The following WSCD1 variants were observed in gnomAD, a reference collection of about 807,000 sequenced individuals.
WSCD1 encodes the protein sialate:O-sulfotransferase 1.
A neutral mutation model predicts 60.4 loss-of-function variants in WSCD1; 41 were observed. That is an observed-to-expected ratio of 0.68 (90% confidence interval 0.53 to 0.88). WSCD1 has a LOEUF of 0.88. WSCD1 is among the 40% of genes least tolerant of loss of function. The probability of loss-of-function intolerance (pLI) is 0.00; values close to 1 mark genes in which losing one functional copy is unlikely to be tolerated. For missense variants in WSCD1, 784 were observed against 796.2 expected (o/e 0.98, Z 0.18); for synonymous variants, 361 against 332.5 (o/e 1.09, Z -0.93).
At chr17:6,072,975 GC>G (rs1908633804) in intron 1 of WSCD1, among the ~76,000 whole-genome samples, 1 of 152,206 alleles carries the variant, frequency 6.6e-6, no homozygotes, top group Non-Finnish European at 1.5e-5. Flanking sequence ...AGCTGTTAAG[GC>G]CCCTCCCCTT....
At chr17:6,116,304 C>A (rs536184491) in intron 7 of WSCD1, among the ~76,000 whole-genome samples, 11 of 152,310 alleles carry the variant, frequency 7.2e-5, no homozygotes, top group Admixed American at 1.3e-4. Flanking sequence ...TGGGTCGACA[C>A]TGCCTCAGAA....
intron 2 of WSCD1, among the ~76,000 whole-genome samples, chr17:6,087,681 C>T (rs1909747632): frequency 6.6e-6 from 1 of 152,236 alleles, no homozygotes; most frequent in Admixed American, 6.5e-5. Context: ...GTAATCCAGC[C>T]TTCCCAACTT....
In WSCD1 at chr17:6,080,631, C is replaced by A; in HGVS notation, c.-28C>A. 6.2e-7 allele frequency: 1 copy of A among 1,609,628 alleles called. No homozygotes were observed. The highest frequency in any genetic ancestry group is 1.1e-5 in the South Asian group (1 of 90,732). On this transcript the variant is annotated 5_prime_UTR_variant, in exon 2 of 9. Transcript: ENST00000317744. The surrounding 1 kb of genome is among the most constrained non-coding windows in gnomAD (Gnocchi z 6.6). ...GGGCGCTAGGAGCCATCCCGGGGCTCCAGCCAGGAGCCCTGCTGCCCAGGG... is the reference window on the plus strand; with the variant it reads ...GGGCGCTAGGAGCCATCCCGGGGCTACAGCCAGGAGCCCTGCTGCCCAGGG...
At chr17:6,099,886 C>G (rs904900952) in intron 5 of WSCD1, among the ~76,000 whole-genome samples, 7 of 152,150 alleles carry the variant, frequency 4.6e-5, no homozygotes, top group African/African-American at 1.4e-4. Flanking sequence ...TTCTTTCTTG[C>G]CTGTTAAACT....
At chr17:6,097,804 G>T (rs763651545) in intron 5 of WSCD1, among the ~76,000 whole-genome samples, 2 of 152,102 alleles carry the variant, frequency 1.3e-5, no homozygotes, top group African/African-American at 4.8e-5. Context: ...TTTATACCCC[G>T]ATCAGTGATG....
chr17:6,118,119 G>C lies in WSCD1; in HGVS notation c.1306G>C (p.Val436Leu). 1.2e-6 allele frequency: 2 copies of C among 1,614,200 alleles called. No homozygotes were observed. The highest frequency in any genetic ancestry group is 1.7e-6 in the Non-Finnish European group (2 of 1,180,038). The change falls in exon 8 of 9, where the codon GTG (valine) becomes CTG (leucine). Residue 436 changes from valine to leucine, a missense_variant. Physicochemically the swap from Val to Leu is conservative, Grantham distance 32. Transcript: ENST00000317744. This position sits in a 1 kb window ranked among gnomAD's most constrained non-coding sequence, Gnocchi z 5.8. ...AATCCGGAACCCATACAGGTCCCTGGTGGCAGAATTCAACAGAAAATGTGC... is the reference window on the plus strand; with the variant it reads ...AATCCGGAACCCATACAGGTCCCTGCTGGCAGAATTCAACAGAAAATGTGC... ...LLIRNPYRSLVAEFNRKCAGH... is the reference protein window; with the variant it reads ...LLIRNPYRSLLAEFNRKCAGH...
intron 2 of WSCD1, among the ~76,000 whole-genome samples, chr17:6,084,252 C>T (rs1156765577): frequency 6.6e-6 from 1 of 152,236 alleles, no homozygotes; most frequent in African/African-American, 2.4e-5. Flanking sequence ...AGAATTTGCT[C>T]TCCTTTGAAC....
At chr17:6,084,544 C>CA (rs1206624407) in intron 2 of WSCD1, among the ~76,000 whole-genome samples, 1 of 152,228 alleles carries the variant, frequency 6.6e-6, no homozygotes. Flanking sequence ...GAGGCTCCAT[C>CA]AATCACTGAG....
chr17:6,081,429 G>A (rs1396810770), intron 2 of WSCD1, among the ~76,000 whole-genome samples: 1 of 152,078 alleles, frequency 6.6e-6, no homozygotes, highest in African/African-American at 2.4e-5. Context: ...TATGAAAATA[G>A]GTTGGGCGCA....
chr17:6,069,282 G>A, upstream of WSCD1: 1 of 398,974 alleles, frequency 2.5e-6, no homozygotes, highest in South Asian at 1.3e-4. Context: ...GGGGAACAGG[G>A]TGGGGCTCCT....
rs1351770139 is a variant in WSCD1 at position 6,081,088 on chromosome 17, A to G, written c.427+3A>G. On this transcript the variant is annotated splice_donor_region_variant and intron_variant, in intron 2 of 8. Coordinates refer to ENST00000317744, the MANE Select transcript of WSCD1 (RefSeq NM_015253.2). ...CAGGCCCGCCATCCACAGCCGAGGT[A>G]GGCGCTCAGCTGCATTTGGGGGAGC... The G allele has an allele frequency of 3.3e-6, 5 of 1,534,784 alleles. No individual in the cohort carries two copies. The highest frequency in any genetic ancestry group is 4.4e-6 in the Non-Finnish European group (5 of 1,143,078).
upstream of WSCD1, chr17:6,069,426 TGTGAGAGAGAGAGA>T (rs1275172440): frequency 7.7e-6 from 2 of 260,476 alleles, no homozygotes; most frequent in Non-Finnish European, 1.3e-5. Flanking sequence ...TGTGTGTGTG[TGTGAGAGAGAGAGA>T]GAGAGAGAGA....
chr17:6,112,066 A>C (rs986053044), intron 7 of WSCD1, among the ~76,000 whole-genome samples: 1 of 152,340 alleles, frequency 6.6e-6, no homozygotes, highest in Non-Finnish European at 1.5e-5. Flanking sequence ...TATGGGATAC[A>C]GCAAAAGAAG....
chr17:6,076,591 C>G (rs1241694210), intron 1 of WSCD1, among the ~76,000 whole-genome samples: 2 of 152,196 alleles, frequency 1.3e-5, no homozygotes, highest in African/African-American at 4.8e-5. Flanking sequence ...ATGTCCACTC[C>G]CTAATTCGAT....
chr17:6,120,758 A>T lies in WSCD1; in HGVS notation c.*97A>T, dbSNP rs1035990785. 1 of 1,328,164 alleles carries T rather than the reference A, an allele frequency of 7.5e-7. No individual in the cohort carries two copies. Among genetic ancestry groups the T allele is most frequent in the African/African-American group, 1.5e-5 (1 of 68,418 alleles). 82.3% of individuals were successfully genotyped at this position (1,328,164 alleles called of 1,614,324 possible). A position where few individuals can be genotyped will look rare whatever the true frequency, so the allele number is the denominator to read the frequency against. On this transcript the variant is annotated 3_prime_UTR_variant, in exon 9 of 9. Coordinates refer to ENST00000317744, the MANE Select transcript of WSCD1 (RefSeq NM_015253.2). ...TGCTCAGGCCCGTGGCCTCACTGGG[A>T]CGAACGGTGGGTGGGGGGCTCACCC...
At chr17:6,103,088 CT>C (rs1267465579) in intron 5 of WSCD1, among the ~76,000 whole-genome samples, 2 of 152,178 alleles carry the variant, frequency 1.3e-5, no homozygotes, top group African/African-American at 4.8e-5. Flanking sequence ...TACTCCACCA[CT>C]TTCTCATTTT....
chr17:6,080,333 C>T lies in WSCD1; in HGVS notation c.-288-38C>T, dbSNP rs1039689281. ...GCCTGGGAGTGCCAGGTAGTGGACC[C>T]GCCTATTACATCTCGGTGCTCTTTC... On this transcript the variant is annotated intron_variant, in intron 1 of 8. Transcript: ENST00000317744. The surrounding 1 kb of genome is among the most constrained non-coding windows in gnomAD (Gnocchi z 6.6). 3.3e-5 allele frequency: 12 copies of T among 365,046 alleles called. No individual in the cohort carries two copies. Among genetic ancestry groups the T allele is most frequent in the Non-Finnish European group, 5.0e-5 (10 of 201,006 alleles). 22.6% of individuals were successfully genotyped at this position (365,046 alleles called of 1,614,324 possible).
At chr17:6,116,013 A>C (rs754531659) in intron 7 of WSCD1, among the ~76,000 whole-genome samples, 3 of 152,128 alleles carry the variant, frequency 2.0e-5, no homozygotes, top group Admixed American at 6.5e-5. Context: ...CACTTATAAC[A>C]ATCTTGGTTC....
At chr17:6,071,159 GC>G (rs1908519998) in intron 1 of WSCD1, 1 of 152,254 alleles carries the variant, frequency 6.6e-6, no homozygotes, top group Non-Finnish European at 1.5e-5. Context: ...AGAGGCAGAG[GC>G]AAAAGCAAAA....
Sources: gnomAD v4.1 joint callset for allele counts (sites outside exome capture counted in the v4.1 genomes callset) on GRCh38, gnomAD v4.1.1 for gene constraint, Gnocchi (gnomAD v3.1) non-coding constraint, MANE v1.5 for transcripts, NCBI Gene and HGNC (gene_info 2026-07-23, HGNC 2026-07-21) for gene names.